The following NTM variants were observed in gnomAD, a reference collection of about 807,000 sequenced individuals.
The protein encoded by NTM is IgLON family member 2.
A neutral mutation model predicts 42.1 loss-of-function variants in NTM; 13 were observed. The ratio of observed to expected loss-of-function variants is 0.31; its 90% confidence interval spans 0.20 to 0.49. The LOEUF is 0.49. Among genes scored for constraint, NTM ranks in the 20% least tolerant of loss-of-function variants. NTM has a pLI of 0.99. For missense variants in NTM, 373 were observed against 452.8 expected (o/e 0.82, Z 1.60); for synonymous variants, 187 against 179.2 (o/e 1.04, Z -0.35).
chr11:131,544,336 T>A (rs1456040004), intron 1 of NTM, among the ~76,000 whole-genome samples: 2 of 152,168 alleles, frequency 1.3e-5, no homozygotes, highest in East Asian at 1.9e-4. Context: ...TCTGGGGAAG[T>A]GGGATTCAGT....
chr11:131,831,640 G>T (rs2042832414), intron 1 of NTM, among the ~76,000 whole-genome samples: 2 of 152,126 alleles, frequency 1.3e-5, no homozygotes, highest in African/African-American at 2.4e-5. Flanking sequence ...AAACTTTTTA[G>T]ATCTTAAAGC....
At chr11:132,234,955 T>C (rs904828317) in intron 4 of NTM, among the ~76,000 whole-genome samples, 1 of 152,234 alleles carries the variant, frequency 6.6e-6, no homozygotes, top group Admixed American at 6.5e-5. Context: ...GAAACAGATA[T>C]TGAATTAAAT....
chr11:131,851,313 T>C (rs1178786276), intron 1 of NTM, among the ~76,000 whole-genome samples: 1 of 152,090 alleles, frequency 6.6e-6, no homozygotes. Context: ...GGGTGTACAG[T>C]CCAGCACCGG....
chr11:132,046,053 A>G (rs915639483), intron 2 of NTM, among the ~76,000 whole-genome samples: 8 of 152,180 alleles, frequency 5.3e-5, no homozygotes, highest in African/African-American at 1.9e-4. Context: ...TTAGACTATA[A>G]CCATCCAAAC....
At chr11:131,870,693 T>C (rs977411419) in intron 1 of NTM, among the ~76,000 whole-genome samples, 2 of 152,166 alleles carry the variant, frequency 1.3e-5, no homozygotes, top group African/African-American at 2.4e-5. Flanking sequence ...TTGCAAAATT[T>C]AGAAGCCAAT....
chr11:131,442,259 G>A (rs1438248751), intron 1 of NTM, among the ~76,000 whole-genome samples: 1 of 152,140 alleles, frequency 6.6e-6, no homozygotes, highest in Non-Finnish European at 1.5e-5. Context: ...TGCATCCGTG[G>A]TTGAGACTGA....
At chr11:132,320,861 C>T (rs1244468260) in intron 7 of NTM, among the ~76,000 whole-genome samples, 23 of 151,670 alleles carry the variant, frequency 1.5e-4, no homozygotes, top group Non-Finnish European at 2.9e-4. Context: ...CAAGTGGGTC[C>T]CTGACCCCTG....
At chr11:132,026,503 T>C (rs1375375230) in intron 2 of NTM, among the ~76,000 whole-genome samples, 2 of 152,200 alleles carry the variant, frequency 1.3e-5, no homozygotes, top group African/African-American at 4.8e-5. Context: ...TGCTTTTTCT[T>C]GTATTTTCAT....
Position 131,591,881 on chromosome 11 carries a change from G to A in NTM, c.82+220993G>A, listed in dbSNP as rs116991683. ...CCTGCTGCAAGGTAAACCTCCCTTC[G>A]TTTCTGATTTTATTAGAGAAACAGT... On this transcript the variant is annotated intron_variant, in intron 1 of 8. Coordinates refer to ENST00000683400, the MANE Select transcript of NTM (RefSeq NM_001352005.2). Among the ~76,000 whole-genome samples, 1,053 of 152,236 alleles carry A rather than the reference G, an allele frequency of 6.9e-3. 5 individuals are homozygous for A. The highest frequency in any genetic ancestry group is 0.01 in the Non-Finnish European group (700 of 68,020).
chr11:131,732,902 A>C (rs1193865319), intron 1 of NTM, among the ~76,000 whole-genome samples: 1 of 152,158 alleles, frequency 6.6e-6, no homozygotes, highest in African/African-American at 2.4e-5. Flanking sequence ...TTGTTGGTAT[A>C]ATAGAATGTT....
chr11:132,174,044 T>C (rs1298638811), intron 3 of NTM, among the ~76,000 whole-genome samples: 1 of 152,160 alleles, frequency 6.6e-6, no homozygotes, highest in Non-Finnish European at 1.5e-5. Flanking sequence ...TCCTATCTGG[T>C]CCCTGATAGG....
chr11:131,915,935 T>TG (rs2056275894), intron 2 of NTM, among the ~76,000 whole-genome samples: 1 of 151,954 alleles, frequency 6.6e-6, no homozygotes, highest in Non-Finnish European at 1.5e-5. Context: ...GAGATTTGGG[T>TG]GGGGACACAG....
intron 1 of NTM, among the ~76,000 whole-genome samples, chr11:131,809,226 G>A (rs1234398702): frequency 6.6e-6 from 1 of 152,202 alleles, no homozygotes; most frequent in African/African-American, 2.4e-5. Flanking sequence ...TGAAAGAATA[G>A]TAAAATTATA....
At chr11:131,872,440 A>G (rs1423457689) in intron 1 of NTM, among the ~76,000 whole-genome samples, 3 of 152,234 alleles carry the variant, frequency 2.0e-5, no homozygotes, top group Admixed American at 6.5e-5. Context: ...TGGCTGCCTC[A>G]CATATTGGCT....
At chr11:131,598,786 T>TTTC (rs1319728318) in intron 1 of NTM, among the ~76,000 whole-genome samples, 3 of 74,034 alleles carry the variant, frequency 4.1e-5, no homozygotes, top group African/African-American at 1.3e-4. Flanking sequence ...TTCTTTCTTC[T>TTTC]TTCTTTCTTT....
At chr11:132,036,908 G>C (rs1348394033) in intron 2 of NTM, among the ~76,000 whole-genome samples, 1 of 152,142 alleles carries the variant, frequency 6.6e-6, no homozygotes, top group African/African-American at 2.4e-5. Context: ...GCATCCATAT[G>C]GTGCTGTGGG....
intron 2 of NTM, among the ~76,000 whole-genome samples, chr11:132,089,362 C>G (rs2060122803): frequency 1.3e-5 from 2 of 152,166 alleles, no homozygotes; most frequent in South Asian, 4.1e-4. Context: ...GGATCTTGCT[C>G]CCACTTGTTC....
At chr11:132,261,112 G>GT (rs973827467) in intron 4 of NTM, among the ~76,000 whole-genome samples, 5 of 152,202 alleles carry the variant, frequency 3.3e-5, no homozygotes, top group African/African-American at 1.2e-4. Flanking sequence ...CCATTTAGGG[G>GT]TGGCTGGGTG....
chr11:131,711,266 A>G (rs1385479841), intron 1 of NTM, among the ~76,000 whole-genome samples: 2 of 152,178 alleles, frequency 1.3e-5, no homozygotes, highest in Non-Finnish European at 2.9e-5. Flanking sequence ...TCTACAATGA[A>G]CCCAAACAAA....
Sources: gnomAD v4.1 joint callset for allele counts (sites outside exome capture counted in the v4.1 genomes callset) on GRCh38, gnomAD v4.1.1 for gene constraint, MANE v1.5 for transcripts, NCBI Gene and HGNC (gene_info 2026-07-23, HGNC 2026-07-21) for gene names.